RPS6KC1: variants seen among roughly 807,000 people sequenced by gnomAD.
The protein encoded by RPS6KC1 is ribosomal protein S6 kinase C1, also known as inactive ribosomal protein S6 kinase delta-1.
Under a neutral mutation model 103.8 loss-of-function variants are expected in RPS6KC1, and 54 were observed. The ratio of observed to expected loss-of-function variants is 0.52; its 90% CI spans 0.42 to 0.65. The LOEUF (loss-of-function observed/expected upper bound fraction) is 0.65, where lower values mean the gene tolerates loss of function less well. Among genes scored for constraint, RPS6KC1 ranks in the 30% least tolerant of loss-of-function variants. The probability of loss-of-function intolerance (pLI) is 0.00; values close to 1 mark genes in which losing one functional copy is unlikely to be tolerated. For synonymous variants in RPS6KC1, 439 were observed against 438.7 expected, an observed-to-expected ratio of 1.00 and a Z score of -0.01; for missense variants, 1,151 against 1,253.8, an observed-to-expected ratio of 0.92 and a Z score of 1.24.
the RPS6KC1 span, among the ~76,000 whole-genome samples, chr1:213,663,831 G>A: frequency 6.6e-6 from 1 of 152,176 alleles, no homozygotes; most frequent in African/African-American, 2.4e-5. Flanking sequence ...CCACTAAGGG[G>A]TGAGAAAGTC....
the RPS6KC1 span, among the ~76,000 whole-genome samples, chr1:213,444,170 C>T: frequency 3.9e-5 from 6 of 152,284 alleles, no homozygotes; most frequent in Admixed American, 2.0e-4. Context: ...ATGTGGCATT[C>T]TCTCTCTGTG....
At chr1:213,624,908 G>A in the RPS6KC1 span, among the ~76,000 whole-genome samples, 6,283 of 152,234 alleles carry the variant, frequency 0.041, 195 homozygotes, top group Middle Eastern at 0.099. Flanking sequence ...ATATCAATTT[G>A]AGGGGCGACA....
the RPS6KC1 span, among the ~76,000 whole-genome samples, chr1:213,549,674 T>TAAC: frequency 7.0e-6 from 1 of 142,672 alleles, no homozygotes; most frequent in Non-Finnish European, 1.5e-5. Context: ...ACAATGCCTC[T>TAAC]AACAACATCC....
At chr1:213,279,525 A>C (rs1345526365), downstream of RPS6KC1, among the ~76,000 whole-genome samples, 1 of 152,010 alleles carries the variant, frequency 6.6e-6, no homozygotes, top group African/African-American at 2.4e-5. Context: ...GTCCTAACTC[A>C]CTCTTTGATC....
At chr1:213,765,186 A>G in the RPS6KC1 span, among the ~76,000 whole-genome samples, 2 of 152,186 alleles carry the variant, frequency 1.3e-5, no homozygotes, top group Non-Finnish European at 2.9e-5. Flanking sequence ...GACAAACACC[A>G]TAAACTTCCT....
At chr1:213,152,618 G>A (rs1172672795) in intron 6 of RPS6KC1, among the ~76,000 whole-genome samples, 1 of 149,992 alleles carries the variant, frequency 6.7e-6, no homozygotes, top group African/African-American at 2.5e-5. Context: ...CGGGGCAGAG[G>A]CGCTCCCCAC....
At chr1:213,741,302 A>T in the RPS6KC1 span, among the ~76,000 whole-genome samples, 27 of 152,038 alleles carry the variant, frequency 1.8e-4, no homozygotes, top group Non-Finnish European at 1.5e-5. Context: ...TATACAATGT[A>T]TTATTATAAT....
intron 1 of RPS6KC1, among the ~76,000 whole-genome samples, chr1:213,052,669 TA>T (rs2077047986): frequency 6.6e-6 from 1 of 151,834 alleles, no homozygotes; most frequent in African/African-American, 2.4e-5. Flanking sequence ...GCCTCCCGAG[TA>T]GCTGGGATTA....
chr1:213,549,125 C>T, the RPS6KC1 span, among the ~76,000 whole-genome samples: 2 of 152,148 alleles, frequency 1.3e-5, no homozygotes, highest in Non-Finnish European at 2.9e-5. Context: ...TAGAATGTGC[C>T]TCCTGAGTTT....
the RPS6KC1 span, among the ~76,000 whole-genome samples, chr1:213,792,224 T>A: frequency 3.3e-5 from 5 of 152,180 alleles, no homozygotes; most frequent in Admixed American, 3.3e-4. Context: ...GGTATGTAAC[T>A]GTTTTGAACA....
the RPS6KC1 span, among the ~76,000 whole-genome samples, chr1:213,282,758 G>A: frequency 3.3e-5 from 5 of 152,208 alleles, no homozygotes; most frequent in Non-Finnish European, 7.3e-5. Context: ...CAAACACTGA[G>A]TGCTCTGAAA....
the RPS6KC1 span, among the ~76,000 whole-genome samples, chr1:213,284,989 G>A: frequency 6.6e-6 from 1 of 152,188 alleles, no homozygotes; most frequent in African/African-American, 2.4e-5. Flanking sequence ...AGTATAAAGG[G>A]CACATGTGGT....
At chr1:213,138,984 A>G (rs761932703) in intron 6 of RPS6KC1, among the ~76,000 whole-genome samples, 1 of 152,156 alleles carries the variant, frequency 6.6e-6, no homozygotes, top group Non-Finnish European at 1.5e-5. Context: ...GTATATAAGC[A>G]TTCCATTTTT....
the RPS6KC1 span, among the ~76,000 whole-genome samples, chr1:213,690,443 C>T: frequency 0.35 from 53,506 of 152,012 alleles, 9,927 homozygotes; most frequent in East Asian, 0.5. Context: ...TCATTTCATT[C>T]GGTAGTTACC....
chr1:213,282,498 C>T, the RPS6KC1 span, among the ~76,000 whole-genome samples: 1 of 152,220 alleles, frequency 6.6e-6, no homozygotes, highest in African/African-American at 2.4e-5. Flanking sequence ...TAACAGCTTG[C>T]TTTAGAAAGG....
chr1:213,539,065 T>A, the RPS6KC1 span, among the ~76,000 whole-genome samples: 1 of 152,228 alleles, frequency 6.6e-6, no homozygotes, highest in Non-Finnish European at 1.5e-5. Context: ...AGATGCTCGA[T>A]GAATGCCTGA....
chr1:213,428,480 C>CCCTTCCTTCCTTCCTT, the RPS6KC1 span, among the ~76,000 whole-genome samples: 53 of 28,472 alleles, frequency 1.9e-3, 1 homozygote, highest in African/African-American at 7.0e-3. Flanking sequence ...CTCCCTCCCT[C>CCCTTCCTTCCTTCCTT]CCTTCCTTCC....
the RPS6KC1 span, among the ~76,000 whole-genome samples, chr1:213,384,263 G>A: frequency 0.04 from 6,018 of 150,440 alleles, 174 homozygotes; most frequent in African/African-American, 0.059. Context: ...GTGACAGAGC[G>A]AGACTCCATC....
chr1:213,134,222 A>G (rs2149031886), intron 6 of RPS6KC1, among the ~76,000 whole-genome samples: 1 of 152,168 alleles, frequency 6.6e-6, no homozygotes, highest in Admixed American at 6.5e-5. Context: ...TTGCTGCCAT[A>G]GTTATACCCG....
Sources: allele counts gnomAD v4.1 joint callset (sites outside exome capture counted in the v4.1 genomes callset), GRCh38; gene constraint gnomAD v4.1.1; transcripts MANE v1.5; gene names NCBI Gene and HGNC (gene_info 2026-07-23, HGNC 2026-07-21).